SLC22A4: variants seen among roughly 807,000 people sequenced by gnomAD.
SLC22A4 encodes the protein ET transporter.
A neutral mutation model predicts 56.6 loss-of-function variants in SLC22A4; 39 were observed. The ratio of observed to expected loss-of-function variants is 0.69; its 90% confidence interval spans 0.53 to 0.90. SLC22A4 has a LOEUF of 0.90. Among genes scored for constraint, SLC22A4 ranks in the 40% least tolerant of loss-of-function variants. The pLI, the probability that SLC22A4 is intolerant of heterozygous loss-of-function variation, is 0.00. For missense variants in SLC22A4, 594 were observed against 696.5 expected (o/e 0.85, Z 1.66); for synonymous variants, 241 against 281.4 (o/e 0.86, Z 1.44).
chr5:132,333,356 C>G (rs528614896), intron 6 of SLC22A4, among the ~76,000 whole-genome samples: 2 of 152,280 alleles, frequency 1.3e-5, no homozygotes, highest in African/African-American at 4.8e-5. Flanking sequence ...TGAAGGGTAC[C>G]ACCGCTCCTC....
intron 4 of SLC22A4, chr5:132,324,403 A>T: frequency 4.7e-6 from 2 of 423,434 alleles, no homozygotes; most frequent in Non-Finnish European, 9.8e-6. Context: ...GAGAAGGTCC[A>T]TCCCACAGGG....
At position 132,340,597 on chromosome 5, in the gene SLC22A4, A is replaced by T. The variant is rs1434516705; in HGVS notation, c.1477A>T (p.Met493Leu). 1 of 1,613,992 alleles carries T rather than the reference A, an allele frequency of 6.2e-7. No individual in the cohort carries two copies. The highest frequency in any genetic ancestry group is 1.1e-5 in the South Asian group (1 of 91,078). The change falls in exon 9 of 10, where the codon ATG (methionine) becomes TTG (leucine). Residue 493 changes from methionine to leucine, a missense_variant. Physicochemically the swap from Met to Leu is conservative, Grantham distance 15 (BLOSUM62 2). Coordinates refer to ENST00000200652, the MANE Select transcript of SLC22A4 (RefSeq NM_003059.3). ...AYNRMLPYIV[M>L]GSLTVLIGIL... ...CAACAGAATGCTGCCCTACATCGTC[A>T]TGGGTAGTCTGACTGTCCTGATTGG...
At chr5:132,330,147 T>C (rs272886) in intron 5 of SLC22A4, among the ~76,000 whole-genome samples, 90,896 of 152,030 alleles carry the variant, frequency 0.6, 27,771 homozygotes, top group African/African-American at 0.65. Context: ...AATGTGGCTG[T>C]GAGCTGTGTA....
chr5:132,327,020 C>T (rs1000324609), intron 4 of SLC22A4, among the ~76,000 whole-genome samples: 2 of 152,200 alleles, frequency 1.3e-5, no homozygotes, highest in Non-Finnish European at 2.9e-5. Flanking sequence ...CAAACATGCC[C>T]ATAGTTAATG....
chr5:132,311,923 C>A, intron 1 of SLC22A4: 1 of 592,382 alleles, frequency 1.7e-6, no homozygotes, highest in Non-Finnish European at 3.0e-6. Context: ...CCTCCCTTTC[C>A]AAAGAGGATC....
intron 3 of SLC22A4, among the ~76,000 whole-genome samples, chr5:132,319,301 CAAAA>C (rs55756450): frequency 1.2e-5 from 1 of 85,520 alleles, no homozygotes; most frequent in Non-Finnish European, 2.7e-5. Flanking sequence ...AAGTCTGTCT[CAAAA>C]AAAAAAAAAA....
chr5:132,301,401 C>T (rs1302724944), intron 1 of SLC22A4, among the ~76,000 whole-genome samples: 1 of 152,232 alleles, frequency 6.6e-6, no homozygotes, highest in Non-Finnish European at 1.5e-5. Context: ...CGTAGATCCT[C>T]CTGTCCTCTT....
At chr5:132,310,325 T>C (rs1175861242) in intron 1 of SLC22A4, among the ~76,000 whole-genome samples, 1 of 152,188 alleles carries the variant, frequency 6.6e-6, no homozygotes, top group Non-Finnish European at 1.5e-5. Flanking sequence ...ATTGCTCATC[T>C]CTCTAAGTCA....
Position 132,298,285 on chromosome 5 carries a change from A to C in SLC22A4, c.393+3276A>C, listed in dbSNP as rs1452303661. On this transcript the variant is annotated intron_variant, in intron 1 of 9. Coordinates refer to ENST00000200652, the MANE Select transcript of SLC22A4 (RefSeq NM_003059.3). ...TAAACATAATGTGGTATATGCGTAC[A>C]ATGGACGATTATTCAGCTTTAAAAA... Among the ~76,000 whole-genome samples, 3 of 152,246 alleles carry C rather than the reference A, an allele frequency of 2.0e-5. No homozygotes were observed. In the East Asian group the frequency reaches 5.8e-4, roughly 29 times the overall value.
At chr5:132,313,916 A>C in intron 3 of SLC22A4, 148 bp downstream of exon 3, 1 of 878,580 alleles carries the variant, frequency 1.1e-6, no homozygotes, top group African/African-American at 1.6e-5. Flanking sequence ...CTCTTGGAGC[A>C]AGTCAGGGGC....
chr5:132,312,695 G>A (rs907528844), intron 2 of SLC22A4, among the ~76,000 whole-genome samples: 14 of 152,246 alleles, frequency 9.2e-5, no homozygotes, highest in African/African-American at 2.9e-4. Context: ...CACTGCTGCT[G>A]TGGCTTGGAC....
chr5:132,332,116 C>T (rs939249110), intron 6 of SLC22A4: 22 of 398,100 alleles, frequency 5.5e-5, no homozygotes, highest in East Asian at 1.1e-4. Context: ...GAGTTCGAGA[C>T]GAATCTAGCC....
At chr5:132,328,432 A>T (rs1750743007) in intron 5 of SLC22A4, among the ~76,000 whole-genome samples, 1 of 152,204 alleles carries the variant, frequency 6.6e-6, no homozygotes, top group Non-Finnish European at 1.5e-5. Flanking sequence ...GACCTTTTCC[A>T]GAAGCAGATA....
intron 3 of SLC22A4, among the ~76,000 whole-genome samples, chr5:132,320,103 G>A (rs554646921): frequency 6.6e-6 from 1 of 152,278 alleles, no homozygotes; most frequent in African/African-American, 2.4e-5. Context: ...CTGTCCACAG[G>A]AAGGCAAAGA....
At position 132,295,641 on chromosome 5, in the gene SLC22A4, C is replaced by T. The variant is rs1434390209; in HGVS notation, c.393+632C>T. ...CACAGGGTGAGTTGGCAGGCAGGGG[C>T]TGTAGCCCCTCAGCACCCTGCGTGG... is the stretch of plus-strand genomic sequence containing the variant. On this transcript the variant is annotated intron_variant, in intron 1 of 9. Transcript: ENST00000200652. The T allele has an allele frequency of 4.8e-5, 12 of 247,994 alleles. No homozygotes were observed. The East Asian group carries it at 1.3e-3, about 26-fold the overall frequency. The allele number at this position is 247,994 out of a possible 1,614,324, so 15.4% of individuals were successfully genotyped here.
chr5:132,318,711 A>G (rs561319813), intron 3 of SLC22A4, among the ~76,000 whole-genome samples: 3 of 152,222 alleles, frequency 2.0e-5, no homozygotes, highest in Non-Finnish European at 4.4e-5. Flanking sequence ...TCCTAGGGCT[A>G]TGCTGGCCCT....
chr5:132,338,220 C>T (rs1341307599), intron 8 of SLC22A4, among the ~76,000 whole-genome samples: 1 of 152,096 alleles, frequency 6.6e-6, no homozygotes, highest in Non-Finnish European at 1.5e-5. Flanking sequence ...TTGGCAGGTT[C>T]CATGATGCCC....
intron 1 of SLC22A4, among the ~76,000 whole-genome samples, chr5:132,303,652 C>T (rs1472496836): frequency 1.3e-5 from 2 of 152,126 alleles, no homozygotes; most frequent in Non-Finnish European, 2.9e-5. Flanking sequence ...AGGTTCCCAT[C>T]CTCCACCCAC....
chr5:132,330,841 G>GTAA (rs978357045), intron 5 of SLC22A4, among the ~76,000 whole-genome samples: 9 of 152,240 alleles, frequency 5.9e-5, no homozygotes, highest in Admixed American at 5.2e-4. Flanking sequence ...CAATGATACA[G>GTAA]TAATAATAAT....
Sources: allele counts gnomAD v4.1 joint callset (sites outside exome capture counted in the v4.1 genomes callset), GRCh38; gene constraint gnomAD v4.1.1; transcripts MANE v1.5; gene names NCBI Gene and HGNC (gene_info 2026-07-23, HGNC 2026-07-21).